The following STAG1 variants were observed in gnomAD, a reference collection of about 807,000 sequenced individuals.
STAG1 encodes the protein STAG1 cohesin complex component, also known as cohesin subunit SA-1.
A neutral mutation model predicts 170.9 loss-of-function variants in STAG1; 26 were observed. That is an observed-to-expected ratio of 0.15 (90% CI 0.11 to 0.21). The LOEUF (loss-of-function observed/expected upper bound fraction) is 0.21. STAG1 is among the 10% of genes least tolerant of loss of function. The pLI is 1.00. For synonymous variants in STAG1, 514 were observed against 497.7 expected, an observed-to-expected ratio of 1.03 and a Z score of -0.44; for missense variants, 964 against 1,509.5, an observed-to-expected ratio of 0.64 and a Z score of 5.99.
chr3:136,699,319 A>C (rs138859074), intron 1 of STAG1, among the ~76,000 whole-genome samples: 54 of 152,316 alleles, frequency 3.5e-4, no homozygotes, highest in Admixed American at 2.9e-3. Context: ...TCAAATACTT[A>C]AGAATTTCTG....
At position 136,377,740 on chromosome 3, in the gene STAG1, C is replaced by T. The variant is rs1207120261; in HGVS notation, c.2290G>A (p.Val764Ile). Residue 764 changes from valine to isoleucine, a missense_variant, in exon 23 of 34, where the codon GTA becomes ATA. By Grantham distance (29) the Val-to-Ile change is conservative. Coordinates refer to ENST00000383202, the MANE Select transcript of STAG1 (RefSeq NM_005862.3). Reference sequence around the variant, plus strand: ...AAGGATTTCACCGTTTTCCTCAATACCAACAAATCCTCCTGTAAGACACAT... The same window carrying T: ...AAGGATTTCACCGTTTTCCTCAATATCAACAAATCCTCCTGTAAGACACAT... ...DGSPSKEDLL[V>I]LRKTVKSFLA... is the part of the protein sequence containing the mutation. 2 of 1,613,816 alleles carry T rather than the reference C, an allele frequency of 1.2e-6. No individual in the cohort carries two copies. Among genetic ancestry groups the T allele is most frequent in the Non-Finnish European group, 1.7e-6 (2 of 1,179,922 alleles).
At chr3:136,635,613 C>G (rs1320125732) in intron 1 of STAG1, among the ~76,000 whole-genome samples, 4 of 152,070 alleles carry the variant, frequency 2.6e-5, no homozygotes, top group Non-Finnish European at 5.9e-5. Context: ...GAAATCCTGG[C>G]TAATGCGACA....
At chr3:136,701,016 G>C (rs1381519391) in intron 1 of STAG1, among the ~76,000 whole-genome samples, 1 of 151,010 alleles carries the variant, frequency 6.6e-6, no homozygotes, top group Non-Finnish European at 1.5e-5. Context: ...CGAGTAGCTG[G>C]AACAACGGGC....
intron 5 of STAG1, among the ~76,000 whole-genome samples, chr3:136,558,125 C>T (rs1247529864): frequency 1.3e-5 from 2 of 152,182 alleles, no homozygotes; most frequent in African/African-American, 4.8e-5. Context: ...GGTGCGGTGG[C>T]TCATGCCTGT....
At chr3:136,448,882 TGAG>T (rs2088859187) in intron 14 of STAG1, among the ~76,000 whole-genome samples, 1 of 151,802 alleles carries the variant, frequency 6.6e-6, no homozygotes, top group African/African-American at 2.4e-5. Flanking sequence ...GAGGTTGCAG[TGAG>T]TGGAGATTGC....
chr3:136,663,005 C>T (rs1463432623), intron 1 of STAG1, among the ~76,000 whole-genome samples: 2 of 151,878 alleles, frequency 1.3e-5, no homozygotes, highest in Non-Finnish European at 2.9e-5. Flanking sequence ...GAGCCAAGAT[C>T]GCATCACTGC....
At chr3:136,430,278 T>G (rs897183942) in intron 16 of STAG1, 1 of 152,158 alleles carries the variant, frequency 6.6e-6, no homozygotes, top group Admixed American at 6.5e-5. Context: ...TTTCAGCATA[T>G]GTCTCTAGCA....
chr3:136,600,635 A>G (rs1192738806), intron 4 of STAG1, among the ~76,000 whole-genome samples: 1 of 152,070 alleles, frequency 6.6e-6, no homozygotes, highest in Non-Finnish European at 1.5e-5. Flanking sequence ...GGGTTCAAGC[A>G]ATTCTCCTGC....
chr3:136,526,798 A>G (rs1576568158), intron 6 of STAG1, among the ~76,000 whole-genome samples: 1 of 152,092 alleles, frequency 6.6e-6, no homozygotes, highest in Non-Finnish European at 1.5e-5. Context: ...GTGGTGACAA[A>G]ATCTCTTAGC....
chr3:136,474,860 G>A (rs1160019894), intron 10 of STAG1, among the ~76,000 whole-genome samples: 2 of 152,060 alleles, frequency 1.3e-5, no homozygotes, highest in African/African-American at 4.8e-5. Context: ...CGGTTTACTA[G>A]AACCACCTAG....
At chr3:136,702,748 G>A (rs1382518563) in intron 1 of STAG1, among the ~76,000 whole-genome samples, 1 of 152,072 alleles carries the variant, frequency 6.6e-6, no homozygotes, top group Non-Finnish European at 1.5e-5. Context: ...TTTTAAGCTA[G>A]GAAACAGGAG....
At chr3:136,630,781 G>A in intron 2 of STAG1, 89 bp downstream of exon 2, 1 of 903,630 alleles carries the variant, frequency 1.1e-6, no homozygotes, top group Non-Finnish European at 1.7e-6. Flanking sequence ...TATTTGAAAT[G>A]TATCATCGAA....
chr3:136,446,037 C>CGG, intron 14 of STAG1, among the ~76,000 whole-genome samples: 1 of 152,202 alleles, frequency 6.6e-6, no homozygotes, highest in South Asian at 2.1e-4. Flanking sequence ...TTTCTGTGCT[C>CGG]TATTTGTGAT....
At chr3:136,739,698 C>A (rs1934554762) in intron 1 of STAG1, among the ~76,000 whole-genome samples, 1 of 151,764 alleles carries the variant, frequency 6.6e-6, no homozygotes, top group South Asian at 2.1e-4. Context: ...GTGGCAGGCA[C>A]CTGTAGTCCC....
At position 136,359,181 on chromosome 3, in the gene STAG1, A is replaced by T; in HGVS notation, c.2903T>A (p.Ile968Asn). 6.2e-7 allele frequency: 1 copy of T among 1,613,542 alleles called. No homozygotes were observed. ...RFALTFGLDQ[I>N]KTREAVATLH... ...TGTGGCAACTGCTTCTCGTGTCTTA[A>T]TCTGGTCCAATCCAAATGTAAGGGC... The change falls in exon 27 of 34, where the codon ATT (isoleucine) becomes AAT (asparagine). Residue 968 changes from isoleucine (I) to asparagine (N), a missense_variant. Coordinates refer to ENST00000383202, the MANE Select transcript of STAG1 (RefSeq NM_005862.3).
intron 1 of STAG1, among the ~76,000 whole-genome samples, chr3:136,640,463 G>A (rs1309939380): frequency 6.6e-6 from 1 of 151,758 alleles, no homozygotes; most frequent in Non-Finnish European, 1.5e-5. Flanking sequence ...CCACCTCCCG[G>A]GTTCAAGCGA....
intron 4 of STAG1, among the ~76,000 whole-genome samples, chr3:136,602,872 C>T (rs1021375980): frequency 2.0e-5 from 3 of 152,036 alleles, no homozygotes; most frequent in African/African-American, 7.2e-5. Flanking sequence ...AATTATCAAG[C>T]TTAATGGCAA....
intron 16 of STAG1, among the ~76,000 whole-genome samples, chr3:136,432,519 G>A (rs200876160): frequency 3.7e-5 from 3 of 80,210 alleles, no homozygotes; most frequent in Non-Finnish European, 7.4e-5. Context: ...TTTTTTGGGG[G>A]GGGGGGGGCA....
chr3:136,599,567 C>A (rs1365614419), intron 4 of STAG1, among the ~76,000 whole-genome samples: 3 of 151,980 alleles, frequency 2.0e-5, no homozygotes, highest in African/African-American at 7.2e-5. Context: ...AATCCTTCAT[C>A]TCTTTTCTTC....
Sources: gnomAD v4.1 joint callset for allele counts (sites outside exome capture counted in the v4.1 genomes callset) on GRCh38, gnomAD v4.1.1 for gene constraint, MANE v1.5 for transcripts, NCBI Gene and HGNC (gene_info 2026-07-23, HGNC 2026-07-21) for gene names.